ESRRG: variants seen among roughly 807,000 people sequenced by gnomAD.
ESRRG encodes the protein estrogen-related receptor gamma.
ESRRG carries 13 observed loss-of-function variants against 44.0 expected under a neutral mutation model. That is an observed-to-expected ratio of 0.30 (90% confidence interval 0.19 to 0.47). ESRRG has a LOEUF of 0.47. ESRRG is among the 20% of genes least tolerant of loss of function. The pLI is 1.00. For missense variants in ESRRG, 395 were observed against 580.6 expected (o/e 0.68, Z 3.29); for synonymous variants, 215 against 214.6 (o/e 1.00, Z -0.02).
At chr1:216,827,202 A>G (rs2095412362) in intron 2 of ESRRG, among the ~76,000 whole-genome samples, 4 of 152,264 alleles carry the variant, frequency 2.6e-5, no homozygotes, top group Non-Finnish European at 2.9e-5. Context: ...GATATGCATT[A>G]TATTGTTACT....
At chr1:216,759,447 T>A (rs796560729) in intron 2 of ESRRG, among the ~76,000 whole-genome samples, 17 of 152,192 alleles carry the variant, frequency 1.1e-4, no homozygotes, top group African/African-American at 3.4e-4. Context: ...ACCACATGGT[T>A]TTCCCCCCAT....
At chr1:216,540,292 C>T (rs1206044537) in intron 5 of ESRRG, among the ~76,000 whole-genome samples, 1 of 151,912 alleles carries the variant, frequency 6.6e-6, no homozygotes, top group Non-Finnish European at 1.5e-5. Flanking sequence ...GAAAAAGATT[C>T]TATAGATCAT....
At chr1:217,098,192 A>G (rs563858656) in intron 1 of ESRRG, among the ~76,000 whole-genome samples, 1 of 152,306 alleles carries the variant, frequency 6.6e-6, no homozygotes, top group African/African-American at 2.4e-5. Flanking sequence ...CATAAAGCTT[A>G]TCCCTTCTCC....
chr1:216,773,020 G>C (rs1253423789), intron 2 of ESRRG, among the ~76,000 whole-genome samples: 1 of 151,892 alleles, frequency 6.6e-6, no homozygotes, highest in Non-Finnish European at 1.5e-5. Flanking sequence ...CCCTTTTAAC[G>C]CTCAACATGG....
intron 3 of ESRRG, among the ~76,000 whole-genome samples, chr1:216,596,450 G>A (rs2058455465): frequency 1.3e-5 from 2 of 152,158 alleles, no homozygotes; most frequent in Non-Finnish European, 2.9e-5. Context: ...GCCTCCCGTG[G>A]AATAAGGAAG....
chr1:217,016,617 T>C (rs2079424336), intron 1 of ESRRG, among the ~76,000 whole-genome samples: 1 of 152,224 alleles, frequency 6.6e-6, no homozygotes, highest in Non-Finnish European at 1.5e-5. Flanking sequence ...AATCCTGTTT[T>C]AGCATTTGTT....
intron 3 of ESRRG, among the ~76,000 whole-genome samples, chr1:216,598,305 C>T (rs1247560242): frequency 1.3e-5 from 2 of 152,148 alleles, no homozygotes; most frequent in African/African-American, 4.8e-5. Flanking sequence ...AGCTTGGAAC[C>T]TCTGGTGGCT....
At chr1:217,133,645 C>CTTTCTTTCTT (rs1553294787) in intron 1 of ESRRG, among the ~76,000 whole-genome samples, 6,173 of 91,566 alleles carry the variant, frequency 0.067, 267 homozygotes, top group East Asian at 0.089. Context: ...CTCTCTCTCT[C>CTTTCTTTCTT]TCTTTCTTTC....
intron 1 of ESRRG, among the ~76,000 whole-genome samples, chr1:217,020,625 C>T (rs912103021): frequency 2.6e-5 from 4 of 152,084 alleles, no homozygotes; most frequent in African/African-American, 9.7e-5. Flanking sequence ...AACACTTGTT[C>T]AAGGGGGGCA....
chr1:216,584,749 G>C (rs559292105), intron 3 of ESRRG, among the ~76,000 whole-genome samples: 1 of 152,076 alleles, frequency 6.6e-6, no homozygotes, highest in African/African-American at 2.4e-5. Flanking sequence ...AAATCAAGGC[G>C]AATAAGAAAG....
chr1:216,969,753 T>C (rs899368776), intron 1 of ESRRG, among the ~76,000 whole-genome samples: 2 of 151,994 alleles, frequency 1.3e-5, no homozygotes, highest in Non-Finnish European at 2.9e-5. Flanking sequence ...GCCCGGCTAA[T>C]TTTGTATTTT....
intron 1 of ESRRG, among the ~76,000 whole-genome samples, chr1:217,115,495 A>G (rs1475334611): frequency 6.6e-6 from 1 of 151,966 alleles, no homozygotes; most frequent in African/African-American, 2.4e-5. Context: ...TGCATATCCT[A>G]TGCTCATCCC....
intron 1 of ESRRG, among the ~76,000 whole-genome samples, chr1:217,064,819 G>T (rs772026416): frequency 6.6e-6 from 1 of 152,106 alleles, no homozygotes; most frequent in Non-Finnish European, 1.5e-5. Flanking sequence ...TGTGAAATGG[G>T]TCTCTTTCTA....
At chr1:217,000,171 A>G (rs1246717250) in intron 1 of ESRRG, 2 of 152,212 alleles carry the variant, frequency 1.3e-5, no homozygotes, top group Non-Finnish European at 2.9e-5. Context: ...TACGTAAGCG[A>G]ACAGTTATTG....
intron 1 of ESRRG, among the ~76,000 whole-genome samples, chr1:216,992,340 G>A (rs1200312080): frequency 6.6e-6 from 1 of 152,164 alleles, no homozygotes; most frequent in East Asian, 1.9e-4. Context: ...AATGCAACCT[G>A]TTCTTAAACT....
chr1:216,698,115 T>A (rs1005819766), intron 1 of ESRRG, among the ~76,000 whole-genome samples: 1 of 152,180 alleles, frequency 6.6e-6, no homozygotes, highest in African/African-American at 2.4e-5. Flanking sequence ...TCTTATCCAA[T>A]GCTCAGTAGG....
chr1:216,669,612 G>A (rs559408922), intron 2 of ESRRG, among the ~76,000 whole-genome samples: 8 of 152,302 alleles, frequency 5.3e-5, no homozygotes, highest in South Asian at 4.1e-4. Flanking sequence ...TAGGCTGGGC[G>A]CGGTGGCTCA....
chr1:216,598,898 ACT>A (rs2058811018), intron 3 of ESRRG, among the ~76,000 whole-genome samples: 1 of 152,216 alleles, frequency 6.6e-6, no homozygotes, highest in South Asian at 2.1e-4. Context: ...CAATTCTGAC[ACT>A]CAAAGCTTTT....
chr1:217,133,520 A>G (rs1392522435), intron 1 of ESRRG, among the ~76,000 whole-genome samples: 1 of 152,196 alleles, frequency 6.6e-6, no homozygotes, highest in Non-Finnish European at 1.5e-5. Flanking sequence ...GTCCTTGGCT[A>G]ACTAACTCCT....
Sources: allele counts gnomAD v4.1 joint callset (sites outside exome capture counted in the v4.1 genomes callset), GRCh38; gene constraint gnomAD v4.1.1; transcripts MANE v1.5; gene names NCBI Gene and HGNC (gene_info 2026-07-23, HGNC 2026-07-21).